Variants in PTPRA observed in about 807,000 individuals in gnomAD.
PTPRA encodes the protein receptor-type tyrosine-protein phosphatase alpha.
PTPRA carries 25 observed loss-of-function variants against 104.8 expected under a neutral mutation model. The ratio of observed to expected loss-of-function variants is 0.24; its 90% CI spans 0.17 to 0.33. PTPRA has a LOEUF of 0.33. Ranked by LOEUF, PTPRA falls within the 10% of genes least tolerant of loss-of-function variation. PTPRA has a pLI of 1.00. For synonymous variants in PTPRA, 323 were observed against 368.9 expected (o/e 0.88, Z 1.43); for missense variants, 765 against 1,015.3 (o/e 0.75, Z 3.35).
chr20:2,980,907 C>T (rs548696014), intron 6 of PTPRA, among the ~76,000 whole-genome samples: 35 of 152,248 alleles, frequency 2.3e-4, no homozygotes, highest in African/African-American at 7.9e-4. Context: ...CATGGACATA[C>T]GTCCTAAACC....
chr20:3,011,502 G>C (rs2064167707), intron 11 of PTPRA, among the ~76,000 whole-genome samples: 1 of 152,324 alleles, frequency 6.6e-6, no homozygotes, highest in Middle Eastern at 3.4e-3. Context: ...AGCCCAGCCT[G>C]GTAACCCAGT....
intron 9 of PTPRA, among the ~76,000 whole-genome samples, chr20:2,996,231 G>A (rs2063388523): frequency 6.6e-6 from 1 of 152,240 alleles, no homozygotes; most frequent in Non-Finnish European, 1.5e-5. Flanking sequence ...GGAGTACCAA[G>A]TCTCAGGTAG....
chr20:3,007,812 A>ATGTG (rs752955250), intron 11 of PTPRA, among the ~76,000 whole-genome samples: 1 of 126,062 alleles, frequency 7.9e-6, no homozygotes, highest in Non-Finnish European at 1.6e-5. Flanking sequence ...GTATGTATAT[A>ATGTG]TGTGTGTGTG....
chr20:3,029,115 GATT>G lies in PTPRA; in HGVS notation c.1920+1275_1920+1277del, dbSNP rs1568708166. ...TCACCCTGATGTTTCATTACATCAG[GATT>G]TTTTTTTTTTTTTTGGTTTTGTTTG... On this transcript the variant is annotated intron_variant, in intron 20 of 23. Coordinates refer to ENST00000399903, the MANE Select transcript of PTPRA (RefSeq NM_001385305.1). Among the ~76,000 whole-genome samples the G allele has an allele frequency of 5.0e-5, 7 of 141,118 alleles. No homozygotes were observed. The East Asian group carries it at 8.7e-4, about 17-fold the overall frequency. The allele number at this position is 141,118 out of a possible 152,430, so 92.6% of individuals were successfully genotyped here.
intron 20 of PTPRA, among the ~76,000 whole-genome samples, chr20:3,033,963 T>C (rs985613613): frequency 2.0e-5 from 3 of 150,176 alleles, no homozygotes; most frequent in African/African-American, 7.4e-5. Flanking sequence ...AATCCGCCCA[T>C]GTATACAAAA....
intron 9 of PTPRA, among the ~76,000 whole-genome samples, chr20:2,991,744 T>C (rs1293638740): frequency 6.6e-6 from 1 of 152,160 alleles, no homozygotes; most frequent in Non-Finnish European, 1.5e-5. Flanking sequence ...ACGAGCTCAT[T>C]GGGCCAGCAC....
chr20:2,903,682 C>T (rs546320594), intron 1 of PTPRA, among the ~76,000 whole-genome samples: 1 of 151,320 alleles, frequency 6.6e-6, no homozygotes, highest in Non-Finnish European at 1.5e-5. Flanking sequence ...AGTGAGACCC[C>T]AACTTAAAAA....
chr20:3,020,078 G>C (rs2064778388), intron 13 of PTPRA, among the ~76,000 whole-genome samples: 1 of 152,052 alleles, frequency 6.6e-6, no homozygotes, highest in Non-Finnish European at 1.5e-5. Context: ...GAGAGGGAGA[G>C]GGAGACCGTG....
intron 6 of PTPRA, among the ~76,000 whole-genome samples, chr20:2,982,859 G>A (rs1299838727): frequency 6.6e-6 from 1 of 151,998 alleles, no homozygotes; most frequent in Non-Finnish European, 1.5e-5. Flanking sequence ...ACCACACCTG[G>A]CTAATTTTTT....
intron 3 of PTPRA, among the ~76,000 whole-genome samples, chr20:2,951,267 A>G (rs532923097): frequency 6.6e-5 from 10 of 152,058 alleles, no homozygotes; most frequent in Admixed American, 3.3e-4. Flanking sequence ...ACGCCCAGCT[A>G]GTTTTTGTAT....
At chr20:2,965,334 A>G (rs938642875) in intron 5 of PTPRA, 132 bp downstream of exon 5, 2 of 930,336 alleles carry the variant, frequency 2.1e-6, no homozygotes, top group Non-Finnish European at 3.1e-6. Context: ...TGAAACCTGT[A>G]TGTGGAATTT....
intron 1 of PTPRA, among the ~76,000 whole-genome samples, chr20:2,880,910 G>A (rs1376060164): frequency 6.6e-6 from 1 of 152,020 alleles, no homozygotes. Flanking sequence ...TTGGGAGGCT[G>A]AGGCAGAGGA....
intron 1 of PTPRA, among the ~76,000 whole-genome samples, chr20:2,921,312 T>A (rs2060087414): frequency 6.8e-6 from 1 of 146,094 alleles, no homozygotes; most frequent in Non-Finnish European, 1.5e-5. Flanking sequence ...CCTTAGTACC[T>A]GGGAATGCGC....
chr20:3,022,328 G>A lies in PTPRA; in HGVS notation c.1328+108G>A, dbSNP rs2064917948. 1 of 1,365,560 alleles carries A rather than the reference G, an allele frequency of 7.3e-7. No individual in the cohort carries two copies. The highest frequency in any genetic ancestry group is 2.2e-5 in the Admixed American group (1 of 46,338). The allele number at this position is 1,365,560 out of a possible 1,614,324, so 84.6% of individuals were successfully genotyped here. On this transcript the variant is annotated intron_variant, in intron 15 of 23. Coordinates refer to ENST00000399903, the MANE Select transcript of PTPRA (RefSeq NM_001385305.1). This position sits in a 1 kb window ranked among gnomAD's most constrained non-coding sequence, Gnocchi z 4.6. ...CTGAGGAGGCTGGCACAGAGTAGAT[G>A]ACCTACTGGGGCACCAGCGCAACAG... is the stretch of plus-strand genomic sequence containing the variant.
chr20:2,918,912 C>G (rs1166534362), intron 1 of PTPRA, among the ~76,000 whole-genome samples: 1 of 152,124 alleles, frequency 6.6e-6, no homozygotes, highest in Non-Finnish European at 1.5e-5. Flanking sequence ...ACCATAGTTT[C>G]TTCATTGGTA....
At chr20:3,011,882 A>G (rs1354465886) in intron 11 of PTPRA, among the ~76,000 whole-genome samples, 1 of 152,232 alleles carries the variant, frequency 6.6e-6, no homozygotes, top group Non-Finnish European at 1.5e-5. Flanking sequence ...TGACTGTCAT[A>G]GTGAAACCTC....
chr20:2,988,073 T>C lies in PTPRA; in HGVS notation c.569T>C (p.Phe190Ser), dbSNP rs759587396. ...CAAGCTGGGAGCCATTCCAATTCTT[T>C]CCGCTTATCCAACGGCCGCACTGAG... ...YKQAGSHSNS[F>S]RLSNGRTEDV... is the part of the protein sequence containing the mutation. Residue 190 changes from phenylalanine to serine, a missense_variant, in exon 8 of 24, where the codon TTC becomes TCC. Physicochemically the swap from Phe to Ser is radical, Grantham distance 155. This residue lies in a region of PTPRA where 256 missense variants were observed against 248.9 expected (regional missense o/e 1.03). Transcript: ENST00000399903. 4.4e-6 allele frequency: 7 copies of C among 1,591,380 alleles called. No homozygotes were observed. Among genetic ancestry groups the C allele is most frequent in the Admixed American group, 3.3e-5 (2 of 59,968 alleles).
chr20:3,037,973 T>TCAA lies in PTPRA; in HGVS notation c.2335-82_2335-80dup, dbSNP rs2065886644. On this transcript the variant is annotated intron_variant, in intron 23 of 23. Transcript: ENST00000399903. The surrounding 1 kb of genome is among the most constrained non-coding windows in gnomAD (Gnocchi z 4.3). ...TTCAGTTCCTCTTGATTTTCCATCT[T>TCAA]CAACAAAAAAATGAGTCTGTTAGGA... 1 of 1,187,048 alleles carries TCAA rather than the reference T, an allele frequency of 8.4e-7. No homozygotes were observed. The highest frequency in any genetic ancestry group is 1.5e-5 in the African/African-American group (1 of 65,430). The allele number at this position is 1,187,048 out of a possible 1,614,324, so 73.5% of individuals were successfully genotyped here. A position where few individuals can be genotyped will look rare whatever the true frequency, so the allele number is the denominator to read the frequency against.
At chr20:2,924,358 C>T (rs1027400396) in intron 2 of PTPRA, among the ~76,000 whole-genome samples, 2 of 152,132 alleles carry the variant, frequency 1.3e-5, no homozygotes, top group South Asian at 2.1e-4. Context: ...GGTGAGATCA[C>T]GCCCCTGCAC....
Sources: allele counts gnomAD v4.1 joint callset (sites outside exome capture counted in the v4.1 genomes callset), GRCh38; gene constraint gnomAD v4.1.1; regional missense constraint gnomAD v4.1.1; non-coding constraint Gnocchi (gnomAD v3.1); transcripts MANE v1.5; gene names NCBI Gene and HGNC (gene_info 2026-07-23, HGNC 2026-07-21).